MPPED2: variants seen among roughly 807,000 people sequenced by gnomAD.
MPPED2 encodes the protein metallophosphoesterase domain containing 2, also known as metallophosphoesterase MPPED2.
A neutral mutation model predicts 33.0 loss-of-function variants in MPPED2; 5 were observed. The ratio of observed to expected loss-of-function variants is 0.15; its 90% CI spans 0.08 to 0.32. MPPED2 has a LOEUF of 0.32. Among genes scored for constraint, MPPED2 ranks in the 10% least tolerant of loss-of-function variants. MPPED2 has a pLI of 1.00. For synonymous variants in MPPED2, 136 were observed against 141.9 expected (o/e 0.96, Z 0.29); for missense variants, 275 against 372.1 (o/e 0.74, Z 2.15).
intron 3 of MPPED2, among the ~76,000 whole-genome samples, chr11:30,503,848 G>GGACA (rs1171923900): frequency 6.6e-6 from 1 of 151,926 alleles, no homozygotes; most frequent in Non-Finnish European, 1.5e-5. Context: ...AGAGATGACA[G>GGACA]GACAGAAGAA....
intron 4 of MPPED2, among the ~76,000 whole-genome samples, chr11:30,433,548 T>C (rs991745858): frequency 1.3e-5 from 2 of 152,140 alleles, no homozygotes; most frequent in East Asian, 3.9e-4. Flanking sequence ...TTAACTACCA[T>C]GCCAGAATAA....
At chr11:30,545,321 G>A (rs146027727) in intron 2 of MPPED2, among the ~76,000 whole-genome samples, 89 of 152,228 alleles carry the variant, frequency 5.8e-4, no homozygotes, top group African/African-American at 2.0e-3. Flanking sequence ...CATTTGAGAA[G>A]AAAATACAAA....
chr11:30,556,972 T>A (rs1025372371), intron 2 of MPPED2, among the ~76,000 whole-genome samples: 1 of 151,706 alleles, frequency 6.6e-6, no homozygotes, highest in Non-Finnish European at 1.5e-5. Context: ...GAAAAGATCA[T>A]CAGAATAAAA....
At chr11:30,393,778 T>A (rs1261313996) in intron 6 of MPPED2, among the ~76,000 whole-genome samples, 1 of 152,236 alleles carries the variant, frequency 6.6e-6, no homozygotes, top group African/African-American at 2.4e-5. Flanking sequence ...TTTCAAAATA[T>A]GTTTAATTTT....
chr11:30,501,411 G>A (rs148419468), intron 3 of MPPED2, among the ~76,000 whole-genome samples: 56 of 152,352 alleles, frequency 3.7e-4, no homozygotes, highest in African/African-American at 1.2e-3. Flanking sequence ...GTGAAGGTCA[G>A]TGCGGCTATG....
intron 3 of MPPED2, chr11:30,504,695 T>C (rs1952737632): frequency 9.7e-7 from 1 of 1,029,734 alleles, no homozygotes; most frequent in Admixed American, 2.3e-5. Flanking sequence ...CAGGCTCCAT[T>C]AATTTTCACA....
At chr11:30,464,531 G>C (rs1005972657) in intron 4 of MPPED2, among the ~76,000 whole-genome samples, 4 of 152,110 alleles carry the variant, frequency 2.6e-5, no homozygotes, top group African/African-American at 9.7e-5. Context: ...AAGCCACTTT[G>C]AAACTCAGGC....
chr11:30,438,753 C>A (rs985085102), intron 4 of MPPED2, among the ~76,000 whole-genome samples: 28 of 152,132 alleles, frequency 1.8e-4, no homozygotes, highest in African/African-American at 6.8e-4. Context: ...TAAGGGCAGC[C>A]CTAAAAAGCA....
intron 2 of MPPED2, among the ~76,000 whole-genome samples, chr11:30,550,438 C>T (rs1465788706): frequency 1.3e-5 from 2 of 152,174 alleles, no homozygotes; most frequent in African/African-American, 2.4e-5. Context: ...TCAGTACTCC[C>T]ATTATGGCCT....
At chr11:30,520,758 G>T (rs1442693088) in intron 3 of MPPED2, among the ~76,000 whole-genome samples, 1 of 152,090 alleles carries the variant, frequency 6.6e-6, no homozygotes, top group Admixed American at 6.6e-5. Context: ...AAAAATAGGG[G>T]AGAATTTTAT....
intron 4 of MPPED2, among the ~76,000 whole-genome samples, chr11:30,478,238 G>T (rs924581746): frequency 6.6e-6 from 1 of 152,086 alleles, no homozygotes; most frequent in African/African-American, 2.4e-5. Flanking sequence ...AGGAGACTTA[G>T]TTTGTTAGGA....
chr11:30,504,369 A>G lies in MPPED2; in HGVS notation c.311-8848T>C, dbSNP rs569162061. Among the ~76,000 whole-genome samples the G allele has an allele frequency of 3.3e-5, 5 of 152,340 alleles. No individual in the cohort carries two copies. In the South Asian group the frequency reaches 8.3e-4, roughly 25 times the overall value. On this transcript the variant is annotated intron_variant, in intron 3 of 6. Transcript: ENST00000358117. ...CAACTGCTAGGAGCATGGAAGAACT[A>G]TGAGGCTCAGGATGGGCTAAGGAGA... is the stretch of plus-strand genomic sequence containing the variant.
chr11:30,471,866 C>T (rs1208687976), intron 4 of MPPED2, among the ~76,000 whole-genome samples: 1 of 152,064 alleles, frequency 6.6e-6, no homozygotes, highest in Admixed American at 6.5e-5. Context: ...CTCTTAGAAC[C>T]ATAACCCATG....
intron 4 of MPPED2, among the ~76,000 whole-genome samples, chr11:30,446,969 C>A (rs537628154): frequency 6.6e-6 from 1 of 152,090 alleles, no homozygotes; most frequent in Non-Finnish European, 1.5e-5. Flanking sequence ...ACAAAGTTAA[C>A]GTATTGGGTG....
intron 3 of MPPED2, chr11:30,501,532 A>G: frequency 4.7e-6 from 3 of 644,248 alleles, no homozygotes; most frequent in Non-Finnish European, 5.8e-6. Context: ...TCTCATCCAG[A>G]TATCTCTGTC....
intron 2 of MPPED2, among the ~76,000 whole-genome samples, chr11:30,571,233 A>G (rs899531506): frequency 2.0e-5 from 3 of 151,854 alleles, no homozygotes; most frequent in African/African-American, 7.2e-5. Flanking sequence ...CAACTAGAGA[A>G]GCTTATATTC....
intron 4 of MPPED2, among the ~76,000 whole-genome samples, chr11:30,448,746 C>T (rs1353364115): frequency 2.6e-5 from 4 of 150,968 alleles, no homozygotes; most frequent in Non-Finnish European, 4.4e-5. Context: ...ATGATCTTGG[C>T]TCACCGCAAC....
At chr11:30,426,380 T>G (rs1948839317) in intron 4 of MPPED2, among the ~76,000 whole-genome samples, 1 of 144,036 alleles carries the variant, frequency 6.9e-6, no homozygotes, top group South Asian at 2.1e-4. Flanking sequence ...TGTGTGGGTA[T>G]GCAGAATTCA....
At chr11:30,519,690 T>G (rs1953744824) in intron 3 of MPPED2, among the ~76,000 whole-genome samples, 1 of 152,110 alleles carries the variant, frequency 6.6e-6, no homozygotes, top group Admixed American at 6.5e-5. Flanking sequence ...TACTAAAATA[T>G]CAGTTAGGTT....
Sources: allele counts gnomAD v4.1 joint callset (sites outside exome capture counted in the v4.1 genomes callset), GRCh38; gene constraint gnomAD v4.1.1; transcripts MANE v1.5; gene names NCBI Gene and HGNC (gene_info 2026-07-23, HGNC 2026-07-21).